PPARGC1B: variants seen among roughly 807,000 people sequenced by gnomAD.
The protein encoded by PPARGC1B is PPARG coactivator 1 beta, also known as peroxisome proliferator-activated receptor gamma coactivator 1-beta.
In PPARGC1B, 34 loss-of-function variants were observed where a neutral mutation model predicts 101.6. The ratio of observed to expected loss-of-function variants is 0.33; its 90% CI spans 0.25 to 0.45. The LOEUF (loss-of-function observed/expected upper bound fraction) is 0.45. PPARGC1B is among the 20% of genes least tolerant of loss of function. PPARGC1B has a pLI of 1.00. For missense variants in PPARGC1B, 1,234 were observed against 1,317.6 expected, an observed-to-expected ratio of 0.94 and a Z score of 0.98; for synonymous variants, 548 against 539.3, an observed-to-expected ratio of 1.02 and a Z score of -0.22.
chr5:149,763,526 G>GTTT (rs70973540), intron 1 of PPARGC1B, among the ~76,000 whole-genome samples: 61 of 67,704 alleles, frequency 9.0e-4, no homozygotes, highest in African/African-American at 1.4e-3. Flanking sequence ...TTCACTCCTG[G>GTTT]TTTTTTTTTT....
chr5:149,803,858 GGAGGCCAGCCAGAGCCTC>G (rs1757509720), intron 1 of PPARGC1B, among the ~76,000 whole-genome samples: 1 of 152,238 alleles, frequency 6.6e-6, no homozygotes, highest in Non-Finnish European at 1.5e-5. Context: ...CTGTGGCTTA[GGAGGCCAGCCAGAGCCTC>G]GAGTCTGCAG....
intron 1 of PPARGC1B, among the ~76,000 whole-genome samples, chr5:149,799,393 C>A (rs1757345536): frequency 6.6e-6 from 1 of 152,170 alleles, no homozygotes; most frequent in African/African-American, 2.4e-5. Flanking sequence ...TTTCCAGCTT[C>A]TTTGGCTTCA....
At chr5:149,740,741 A>G (rs1754877837) in intron 1 of PPARGC1B, among the ~76,000 whole-genome samples, 1 of 152,226 alleles carries the variant, frequency 6.6e-6, no homozygotes. Context: ...AATTGGGGAT[A>G]ATAATAGTAT....
intron 1 of PPARGC1B, chr5:149,772,116 G>T: frequency 6.3e-7 from 1 of 1,594,692 alleles, no homozygotes; most frequent in South Asian, 1.1e-5. Flanking sequence ...CAGGACCCTT[G>T]GAGGAGCCGC....
intron 2 of PPARGC1B, among the ~76,000 whole-genome samples, chr5:149,822,419 G>C (rs1281815119): frequency 6.6e-6 from 1 of 152,158 alleles, no homozygotes; most frequent in African/African-American, 2.4e-5. Flanking sequence ...CACTCCACCA[G>C]CTCTCCTGAG....
chr5:149,749,760 C>T (rs968273017), intron 1 of PPARGC1B, among the ~76,000 whole-genome samples: 12 of 152,166 alleles, frequency 7.9e-5, no homozygotes, highest in African/African-American at 2.9e-4. Context: ...GGACAGGTCT[C>T]GCCCCCTCTC....
Position 149,834,267 on chromosome 5 carries a change from A to G in PPARGC1B, c.1706-407A>G, listed in dbSNP as rs567432040. 7.9e-5 allele frequency among the ~76,000 whole-genome samples: 12 copies of G among 152,344 alleles called. No individual in the cohort carries two copies. The East Asian group carries it at 2.3e-3, about 29-fold the overall frequency. On this transcript the variant is annotated intron_variant, in intron 5 of 11. Transcript: ENST00000309241. The stretch of plus-strand genomic sequence containing the variant: ...AGATTGTCCCTATTGAGTCCTCACA[A>G]GAAGGCTCTCTGGTAGGGACTGTCA...
At chr5:149,812,532 A>G (rs1757904659) in intron 1 of PPARGC1B, among the ~76,000 whole-genome samples, 1 of 152,110 alleles carries the variant, frequency 6.6e-6, no homozygotes, top group Non-Finnish European at 1.5e-5. Flanking sequence ...GAACGTATTC[A>G]CTCCCATAAC....
chr5:149,802,286 C>G (rs1757455318), intron 1 of PPARGC1B, among the ~76,000 whole-genome samples: 1 of 152,232 alleles, frequency 6.6e-6, no homozygotes, highest in Non-Finnish European at 1.5e-5. Flanking sequence ...TCCGTCCCTC[C>G]TGGCTTGCTG....
At chr5:149,840,229 GC>G in intron 9 of PPARGC1B, 113 bp downstream of exon 9, 1 of 933,788 alleles carries the variant, frequency 1.1e-6, no homozygotes, top group Non-Finnish European at 1.6e-6. Flanking sequence ...TCAGTCTTCG[GC>G]CTCTGCCTGG....
intron 10 of PPARGC1B, among the ~76,000 whole-genome samples, chr5:149,844,721 G>A (rs1003451573): frequency 2.0e-5 from 3 of 152,124 alleles, no homozygotes; most frequent in African/African-American, 7.2e-5. Flanking sequence ...CATGATTCAC[G>A]TAAATGTTTA....
chr5:149,832,585 A>G lies in PPARGC1B; in HGVS notation c.583-71A>G, dbSNP rs2113397591. The G allele has an allele frequency of 7.9e-7, 1 of 1,263,022 alleles. No individual in the cohort carries two copies. The highest frequency in any genetic ancestry group is 1.1e-6 in the Non-Finnish European group (1 of 914,362). 78.2% of individuals were successfully genotyped at this position (1,263,022 alleles called of 1,614,324 possible). ...GTGAGACACAATGGGCCAGCCAGTG[A>G]CCATGCGGATGAGACACATGGGAGG... is the stretch of plus-strand genomic sequence containing the variant. On this transcript the variant is annotated intron_variant, in intron 4 of 11. Coordinates refer to ENST00000309241, the MANE Select transcript of PPARGC1B (RefSeq NM_133263.4). The surrounding 1 kb of genome is among the most constrained non-coding windows in gnomAD (Gnocchi z 4.9).
intron 1 of PPARGC1B, among the ~76,000 whole-genome samples, chr5:149,765,420 G>A (rs578260444): frequency 6.6e-6 from 1 of 152,314 alleles, no homozygotes; most frequent in South Asian, 2.1e-4. Flanking sequence ...CCAAAGATGT[G>A]AGACTGGGGT....
intron 1 of PPARGC1B, among the ~76,000 whole-genome samples, chr5:149,806,840 C>T (rs187024868): frequency 8.7e-4 from 133 of 152,192 alleles, no homozygotes; most frequent in African/African-American, 3.1e-3. Context: ...CTCCTGTCCT[C>T]AGGCCGTCCA....
chr5:149,826,934 T>A, intron 3 of PPARGC1B, 49 bp downstream of exon 3: 1 of 1,454,872 alleles, frequency 6.9e-7, no homozygotes, highest in Non-Finnish European at 9.5e-7. Context: ...TGGGATTAGG[T>A]TTCTGGTTCA....
At chr5:149,814,134 C>T (rs911164143) in intron 1 of PPARGC1B, among the ~76,000 whole-genome samples, 11 of 152,128 alleles carry the variant, frequency 7.2e-5, no homozygotes, top group African/African-American at 2.7e-4. Context: ...CCCTAGGAGG[C>T]AGGATTGTTT....
Position 149,839,980 on chromosome 5 carries a change from G to A in PPARGC1B, c.2619-61G>A, listed in dbSNP as rs1159455770. On this transcript the variant is annotated intron_variant, in intron 8 of 11. Transcript: ENST00000309241. ...ATCCCTTGCGTCCTGGAGCAGATCC[G>A]CCCCCACCCCCATGGTATCTCCCGA... 2.3e-5 allele frequency: 36 copies of A among 1,533,448 alleles called. No homozygotes were observed. The Admixed American group carries it at 3.8e-4, about 16-fold the overall frequency. The allele number at this position is 1,533,448 out of a possible 1,614,324, so 95.0% of individuals were successfully genotyped here.
rs1315406903 is a variant in PPARGC1B at position 149,850,761 on chromosome 5, A to G, written c.*3203A>G. 1.3e-5 allele frequency: 2 copies of G among 152,220 alleles called. No homozygotes were observed. The allele number at this position is 152,220 out of a possible 1,614,324, so 9.4% of individuals were successfully genotyped here. On this transcript the variant is annotated 3_prime_UTR_variant, in exon 12 of 12. Coordinates refer to ENST00000309241, the MANE Select transcript of PPARGC1B (RefSeq NM_133263.4). ...AGACTGTGTCGATAGCCGCCCGCACAGGGCAGGTCGTACTGTCCGTTTCTG... is the reference window on the plus strand; with the variant it reads ...AGACTGTGTCGATAGCCGCCCGCACGGGGCAGGTCGTACTGTCCGTTTCTG...
chr5:149,747,986 G>A (rs1235849689), intron 1 of PPARGC1B, among the ~76,000 whole-genome samples: 1 of 152,122 alleles, frequency 6.6e-6, no homozygotes. Context: ...CCAAGCAGGA[G>A]AGGGAGGTGG....
Sources: gnomAD v4.1 joint callset for allele counts (sites outside exome capture counted in the v4.1 genomes callset) on GRCh38, gnomAD v4.1.1 for gene constraint, Gnocchi (gnomAD v3.1) non-coding constraint, MANE v1.5 for transcripts, NCBI Gene and HGNC (gene_info 2026-07-23, HGNC 2026-07-21) for gene names.